The following SLC12A6 variants were observed in gnomAD, a reference collection of about 807,000 sequenced individuals.
SLC12A6 encodes solute carrier family 12 member 6.
Under a neutral mutation model 135.3 loss-of-function variants are expected in SLC12A6, and 66 were observed. The observed-to-expected ratio is 0.49, with a 90% confidence interval of 0.40 to 0.60. SLC12A6 has a LOEUF of 0.60. Ranked by LOEUF, SLC12A6 falls within the 20% of genes least tolerant of loss-of-function variation. The pLI is 0.00. For missense variants in SLC12A6, 1,058 were observed against 1,452.3 expected, an observed-to-expected ratio of 0.73 and a Z score of 4.41; for synonymous variants, 513 against 508.8, an observed-to-expected ratio of 1.01 and a Z score of -0.11.
rs146726039 is a variant in SLC12A6 at position 34,254,581 on chromosome 15, G to A, written c.885C>T (p.Ile295=). The change falls in exon 9 of 26, where the codon ATC becomes ATT. Residue 295 remains isoleucine (I), a synonymous_variant. Transcript: ENST00000354181. ...TGTGAAAGATGGCAGCTCGGGGGAC[G>A]ATATAGACCTGTTAGGTAAAAATAA... ...LGAIEIFLVY[I]VPRAAIFHSD... The A allele has an allele frequency of 4.6e-5, 73 of 1,602,966 alleles. No homozygotes were observed. Among genetic ancestry groups the A allele is most frequent in the South Asian group, 3.3e-5 (3 of 90,842 alleles).
chr15:34,274,470 G>A (rs555147328), intron 3 of SLC12A6, among the ~76,000 whole-genome samples: 2 of 152,144 alleles, frequency 1.3e-5, no homozygotes, highest in Admixed American at 1.3e-4. Flanking sequence ...GCCTCATCAG[G>A]GTATGTTTCT....
intron 2 of SLC12A6, among the ~76,000 whole-genome samples, chr15:34,314,030 T>C (rs1888452891): frequency 6.6e-6 from 1 of 150,854 alleles, no homozygotes; most frequent in Admixed American, 6.6e-5. Flanking sequence ...AGCTAATCTG[T>C]TTACAGCATG....
intron 2 of SLC12A6, among the ~76,000 whole-genome samples, chr15:34,278,548 CTA>C (rs529488223): frequency 9.5e-4 from 144 of 152,282 alleles, no homozygotes; most frequent in African/African-American, 3.3e-3. Flanking sequence ...GAACACCCTC[CTA>C]TACTTCAGAT....
At chr15:34,280,508 T>G (rs915394205) in intron 2 of SLC12A6, among the ~76,000 whole-genome samples, 1 of 152,278 alleles carries the variant, frequency 6.6e-6, no homozygotes, top group East Asian at 1.9e-4. Context: ...AGCGTCATCA[T>G]CATCAAAAGA....
chr15:34,241,384 T>C, intron 17 of SLC12A6, 47 bp from the exon 18 acceptor site: 1 of 1,011,082 alleles, frequency 9.9e-7, no homozygotes, highest in Non-Finnish European at 1.5e-6. Flanking sequence ...CTATAGTAAG[T>C]ATAATTTTAA....
At chr15:34,287,683 G>C (rs2140949767) in intron 2 of SLC12A6, among the ~76,000 whole-genome samples, 1 of 152,308 alleles carries the variant, frequency 6.6e-6, no homozygotes, top group South Asian at 2.1e-4. Context: ...ACTGGTGTGA[G>C]ATGGTATCTC....
At chr15:34,266,008 C>CTTTT (rs34173980) in intron 3 of SLC12A6, among the ~76,000 whole-genome samples, 23 of 102,288 alleles carry the variant, frequency 2.2e-4, no homozygotes, top group Non-Finnish European at 2.9e-4. Flanking sequence ...ATACAGAAAG[C>CTTTT]TTTTTTTTTT....
At chr15:34,325,832 C>T (rs537076717) in intron 2 of SLC12A6, among the ~76,000 whole-genome samples, 27 of 152,278 alleles carry the variant, frequency 1.8e-4, no homozygotes, top group Non-Finnish European at 1.5e-5. Flanking sequence ...GACACTGTTC[C>T]TGCCCAAGGA....
intron 8 of SLC12A6, among the ~76,000 whole-genome samples, chr15:34,254,909 C>T (rs1892644703): frequency 6.6e-6 from 1 of 152,106 alleles, no homozygotes; most frequent in South Asian, 2.1e-4. Flanking sequence ...ACTCTACTAT[C>T]ACTACTTTAA....
At chr15:34,243,105 C>T (rs933192378) in intron 16 of SLC12A6, among the ~76,000 whole-genome samples, 2 of 152,064 alleles carry the variant, frequency 1.3e-5, no homozygotes, top group African/African-American at 4.8e-5. Flanking sequence ...GTTGGTCAGG[C>T]TGGTCTCAAA....
chr15:34,236,866 G>A, intron 22 of SLC12A6, 51 bp from the exon 23 acceptor site: 2 of 1,000,898 alleles, frequency 2.0e-6, no homozygotes, highest in South Asian at 1.3e-5. Context: ...GAGAAAGAAG[G>A]ATGAACCATA....
chr15:34,249,074 G>GGT (rs1166877978), intron 13 of SLC12A6, among the ~76,000 whole-genome samples: 1 of 152,104 alleles, frequency 6.6e-6, no homozygotes, highest in East Asian at 1.9e-4. Context: ...GAAGCAGGGA[G>GGT]GTTTGTATGT....
At chr15:34,250,163 C>T in intron 13 of SLC12A6, 135 bp downstream of exon 13, 1 of 742,610 alleles carries the variant, frequency 1.3e-6, no homozygotes, top group Non-Finnish European at 2.5e-6. Context: ...CCTTGGCCTC[C>T]CAAAGTGCCG....
chr15:34,250,240 AT>A lies in SLC12A6; in HGVS notation c.1649+57del, dbSNP rs1221933841. On this transcript the variant is annotated intron_variant, in intron 13 of 25. Transcript: ENST00000354181. ...TGTAACTGTCTTGGAGCTATGTGGAATGATCAGAAGTCATGGCAGACACACA... is the reference window on the plus strand; with the variant it reads ...TGTAACTGTCTTGGAGCTATGTGGAAGATCAGAAGTCATGGCAGACACACA... The A allele has an allele frequency of 2.0e-5, 19 of 948,054 alleles. No homozygotes were observed. The Admixed American group carries it at 3.0e-4, about 15-fold the overall frequency. 58.7% of individuals were successfully genotyped at this position (948,054 alleles called of 1,614,324 possible).
rs1736528116 is a variant in SLC12A6, at chr15:34,301,194, C to T, written c.272-25805G>A. Among the ~76,000 whole-genome samples, 3 of 152,086 alleles carry T rather than the reference C, an allele frequency of 2.0e-5. No individual in the cohort carries two copies. The South Asian group carries it at 6.2e-4, about 31-fold the overall frequency. On this transcript the variant is annotated intron_variant, in intron 2 of 25. Transcript: ENST00000354181. ...ATGTCGGTCAGGCTGGTCTTGAACT[C>T]CTGACCTCAGGTGAGGTCAGGGATT...
chr15:34,302,883 G>C (rs1896352327), intron 2 of SLC12A6, among the ~76,000 whole-genome samples: 1 of 150,670 alleles, frequency 6.6e-6, no homozygotes, highest in African/African-American at 2.4e-5. Context: ...CCAGGAGGCT[G>C]AGGCTGCAAT....
intron 2 of SLC12A6, among the ~76,000 whole-genome samples, chr15:34,282,340 T>C (rs1894745936): frequency 6.6e-6 from 1 of 152,238 alleles, no homozygotes; most frequent in Non-Finnish European, 1.5e-5. Flanking sequence ...ATATTCAGCA[T>C]TCCTAAACAC....
intron 3 of SLC12A6, 75 bp downstream of exon 3, chr15:34,275,270 A>T (rs347825): frequency 1.3e-6 from 1 of 769,018 alleles, no homozygotes; most frequent in African/African-American, 1.7e-5. Context: ...GAATCAGAGA[A>T]GGGAGTAATG....
At chr15:34,306,060 C>T (rs1186167519) in intron 2 of SLC12A6, among the ~76,000 whole-genome samples, 1 of 152,190 alleles carries the variant, frequency 6.6e-6, no homozygotes, top group African/African-American at 2.4e-5. Context: ...CGTGCCCAGC[C>T]TCCTCCAGCA....
Sources: gnomAD v4.1 joint callset for allele counts (sites outside exome capture counted in the v4.1 genomes callset) on GRCh38, gnomAD v4.1.1 for gene constraint, MANE v1.5 for transcripts, NCBI Gene and HGNC (gene_info 2026-07-23, HGNC 2026-07-21) for gene names.